UBR1: variants seen among roughly 807,000 people sequenced by gnomAD.
UBR1 encodes the protein ubiquitin protein ligase E3 component n-recognin 1.
Under a neutral mutation model 242.1 loss-of-function variants are expected in UBR1, and 102 were observed. That is an observed-to-expected ratio of 0.42 (90% CI 0.36 to 0.50). The LOEUF (loss-of-function observed/expected upper bound fraction) is 0.50, where lower values mean the gene tolerates loss of function less well. Ranked by LOEUF, UBR1 falls within the 20% of genes least tolerant of loss-of-function variation. UBR1 has a pLI of 0.01. For synonymous variants in UBR1, 675 were observed against 684.8 expected (o/e 0.99, Z 0.22); for missense variants, 1,772 against 2,101.8 (o/e 0.84, Z 3.07).
intron 26 of UBR1, among the ~76,000 whole-genome samples, 154 bp downstream of exon 26, chr15:43,022,548 T>C (rs2033123841): frequency 6.6e-6 from 1 of 152,036 alleles, no homozygotes; most frequent in African/African-American, 2.4e-5. Context: ...AAACTAAGAA[T>C]GCTAGGAAAA....
At chr15:43,015,488 C>A (rs959749773) in intron 29 of UBR1, among the ~76,000 whole-genome samples, 200 bp downstream of exon 29, 1 of 152,146 alleles carries the variant, frequency 6.6e-6, no homozygotes, top group Non-Finnish European at 1.5e-5. Context: ...CTCAAGTACC[C>A]AGGGTCACAA....
chr15:42,987,702 ACT>A (rs1400789898), intron 35 of UBR1, among the ~76,000 whole-genome samples: 1 of 111,516 alleles, frequency 9.0e-6, no homozygotes, highest in African/African-American at 3.4e-5. Flanking sequence ...ATAGAGCGAG[ACT>A]CTGTCTCAAA....
At chr15:42,956,902 C>A (rs925712847) in intron 44 of UBR1, among the ~76,000 whole-genome samples, 5 of 152,102 alleles carry the variant, frequency 3.3e-5, no homozygotes, top group Non-Finnish European at 7.3e-5. Flanking sequence ...AAAAAAGGCG[C>A]CCTCACACAT....
At chr15:43,080,923 C>T (rs1567146777) in intron 3 of UBR1, among the ~76,000 whole-genome samples, 1 of 152,052 alleles carries the variant, frequency 6.6e-6, no homozygotes, top group South Asian at 2.1e-4. Context: ...TGCACTCCAG[C>T]ATGGGCAACA....
intron 1 of UBR1, among the ~76,000 whole-genome samples, chr15:43,101,492 T>G (rs894560962): frequency 6.6e-6 from 1 of 152,148 alleles, no homozygotes; most frequent in Non-Finnish European, 1.5e-5. Context: ...TTGATCTGCC[T>G]TTCTCCTTTC....
chr15:43,032,586 C>T lies in UBR1; in HGVS notation c.2236G>A (p.Val746Ile), dbSNP rs200810218. The T allele has an allele frequency of 1.1e-5, 17 of 1,537,280 alleles. No homozygotes were observed. In the African/African-American group the frequency reaches 2.3e-4, roughly 21 times the overall value. Reference sequence around the variant, plus strand: ...ATCTTACCCACAATATAGATGAGGACCTGAAGCATTTCTTCTATTAGTGTA... The same window carrying T: ...ATCTTACCCACAATATAGATGAGGATCTGAAGCATTTCTTCTATTAGTGTA... Reference protein sequence around the residue: ...YNTLIEEMLQVLIYIVGERYV... With the variant: ...YNTLIEEMLQILIYIVGERYV... The change falls in exon 20 of 47, where the codon GTC becomes ATC. Residue 746 changes from valine (V) to isoleucine (I), a missense_variant. Physicochemically the swap from Val to Ile is conservative, Grantham distance 29. This residue lies in a region of UBR1 where 73 missense variants were observed against 128.9 expected (regional missense o/e 0.57). Coordinates refer to ENST00000290650, the MANE Select transcript of UBR1 (RefSeq NM_174916.3).
intron 7 of UBR1, 82 bp downstream of exon 7, chr15:43,059,970 A>G: frequency 6.4e-7 from 1 of 1,563,180 alleles, no homozygotes; most frequent in Non-Finnish European, 8.8e-7. Flanking sequence ...CAACGACATC[A>G]TCACTCAAAT....
intron 29 of UBR1, among the ~76,000 whole-genome samples, chr15:43,009,913 C>G (rs532575312): frequency 6.6e-6 from 1 of 152,180 alleles, no homozygotes; most frequent in Non-Finnish European, 1.5e-5. Context: ...GCACTGTTGC[C>G]GGGCTGGAGT....
rs746170520 is a variant in UBR1 at position 43,022,800 on chromosome 15, G to A, written c.2741C>T (p.Ala914Val). The change falls in exon 26 of 47, where the codon GCT becomes GTT. Residue 914 changes from alanine (A) to valine (V), a missense_variant and splice_region_variant. By Grantham distance (64) the Ala-to-Val change is moderately conservative. Around this residue, in one of 3 missense-constraint regions of UBR1, gnomAD observed 965 missense variants for 1,079.7 expected, o/e 0.89. Transcript: ENST00000290650. ...TAAACCCAATGCCAGAATATGAAAAGCCTGAAGGAGGAAAATAAGAGATCT... is the reference window on the plus strand; with the variant it reads ...TAAACCCAATGCCAGAATATGAAAAACCTGAAGGAGGAAAATAAGAGATCT... ...NLWTEGMLQMAFHILALGLLE... is the reference protein window; with the variant it reads ...NLWTEGMLQMVFHILALGLLE... 3 of 1,600,262 alleles carry A rather than the reference G, an allele frequency of 1.9e-6. No individual in the cohort carries two copies. The South Asian group carries it at 3.3e-5, about 18-fold the overall frequency.
Position 42,945,003 on chromosome 15 carries a change from C to T in UBR1, c.*326G>A, listed in dbSNP as rs1020851158. 6.1e-6 allele frequency: 2 copies of T among 325,666 alleles called. No individual in the cohort carries two copies. Among genetic ancestry groups the T allele is most frequent in the South Asian group, 2.9e-5 (1 of 34,856 alleles). 20.2% of individuals were successfully genotyped at this position (325,666 alleles called of 1,614,324 possible). On this transcript the variant is annotated 3_prime_UTR_variant, in exon 47 of 47. Coordinates refer to ENST00000290650, the MANE Select transcript of UBR1 (RefSeq NM_174916.3). ...ACAAAATTGCAGAAGAGTTAACCAA[C>T]ATATAAAATGTCTACAACTGTTTGA...
intron 1 of UBR1, 114 bp downstream of exon 1, chr15:43,105,828 C>G: frequency 9.8e-7 from 1 of 1,017,710 alleles, no homozygotes; most frequent in Non-Finnish European, 1.5e-6. Context: ...CCAGATCAAT[C>G]CAGATAACTC....
chr15:42,987,088 C>T (rs2032475046), intron 35 of UBR1, among the ~76,000 whole-genome samples: 1 of 152,240 alleles, frequency 6.6e-6, no homozygotes, highest in Non-Finnish European at 1.5e-5. Flanking sequence ...GGGCTCGGCC[C>T]AAGATGTCCA....
chr15:42,995,760 AAG>A (rs1476741306), intron 33 of UBR1, among the ~76,000 whole-genome samples: 2 of 152,214 alleles, frequency 1.3e-5, no homozygotes, highest in Admixed American at 1.3e-4. Flanking sequence ...CTTTTGTTAG[AAG>A]AGTTTTCCAC....
intron 13 of UBR1, among the ~76,000 whole-genome samples, chr15:43,047,836 T>G (rs562551324): frequency 6.6e-6 from 1 of 152,312 alleles, no homozygotes; most frequent in East Asian, 1.9e-4. Context: ...AAGATTGCTA[T>G]AAGGCTCAAA....
At chr15:43,006,283 T>G in intron 30 of UBR1, among the ~76,000 whole-genome samples, 1 of 152,124 alleles carries the variant, frequency 6.6e-6, no homozygotes, top group Non-Finnish European at 1.5e-5. Context: ...ATTAAGTAAG[T>G]AAATACACAT....
chr15:43,024,003 C>T (rs2033146178), intron 25 of UBR1, among the ~76,000 whole-genome samples: 2 of 152,176 alleles, frequency 1.3e-5, no homozygotes, highest in African/African-American at 4.8e-5. Flanking sequence ...ATACAATGGA[C>T]TACGCAGCTA....
chr15:42,943,793 T>C lies in UBR1; in HGVS notation c.*1536A>G, dbSNP rs975747134. 1 of 152,280 alleles carries C rather than the reference T, an allele frequency of 6.6e-6. No individual in the cohort carries two copies. Among genetic ancestry groups the C allele is most frequent in the African/African-American group, 2.4e-5 (1 of 41,458 alleles). 9.4% of individuals were successfully genotyped at this position (152,280 alleles called of 1,614,324 possible). On this transcript the variant is annotated 3_prime_UTR_variant, in exon 47 of 47. Coordinates refer to ENST00000290650, the MANE Select transcript of UBR1 (RefSeq NM_174916.3). The stretch of plus-strand genomic sequence containing the variant: ...TACTGAATTTCCTGATCCTTACCTG[T>C]TATTGTTACAAATTGTTCACTAGAC...
At chr15:43,022,598 A>AT in intron 26 of UBR1, 104 bp downstream of exon 26, 1 of 810,656 alleles carries the variant, frequency 1.2e-6, no homozygotes, top group Non-Finnish European at 2.0e-6. Context: ...GGACTGACAG[A>AT]TTAAAACTCT....
chr15:42,960,308 T>C (rs1036140025), intron 43 of UBR1, among the ~76,000 whole-genome samples: 2 of 152,204 alleles, frequency 1.3e-5, no homozygotes, highest in Admixed American at 6.5e-5. Flanking sequence ...AAGTGGCTTA[T>C]AGAAATATTG....
Sources: gnomAD v4.1 joint callset for allele counts (sites outside exome capture counted in the v4.1 genomes callset) on GRCh38, gnomAD v4.1.1 for gene constraint, gnomAD v4.1.1 regional missense constraint, MANE v1.5 for transcripts, NCBI Gene and HGNC (gene_info 2026-07-23, HGNC 2026-07-21) for gene names.